Variants in DMD observed in about 807,000 individuals in gnomAD.
The protein encoded by DMD is dystrophin, also known as mutant dystrophin.
A neutral mutation model predicts 330.1 loss-of-function variants in DMD; 63 were observed. The ratio of observed to expected loss-of-function variants is 0.19; its 90% confidence interval spans 0.16 to 0.24. The LOEUF is 0.24. DMD is among the 10% of genes least tolerant of loss of function. The pLI is 1.00. For missense variants in DMD, 3,344 were observed against 2,684.1 expected (o/e 1.25, Z -5.43); for synonymous variants, 1,223 against 959.8 (o/e 1.27, Z -5.07).
intron 29 of DMD, among the ~76,000 whole-genome samples, chrX:32,414,848 G>A (rs1240549852): frequency 2.7e-5 from 3 of 111,949 alleles, no homozygotes; most frequent in East Asian, 2.8e-4. Context: ...ATTGGTGACC[G>A]AGGCTTTGCC....
intron 12 of DMD, among the ~76,000 whole-genome samples, chrX:32,612,523 A>G (rs1013428723): frequency 9.0e-6 from 1 of 111,477 alleles, no homozygotes; most frequent in Non-Finnish European, 1.9e-5. Context: ...AATTCTTCCA[A>G]TGTCGCCCAG....
At chrX:32,488,810 T>G (rs1039929252) in intron 20 of DMD, among the ~76,000 whole-genome samples, 2 of 111,512 alleles carry the variant, frequency 1.8e-5, no homozygotes, top group African/African-American at 6.5e-5. Context: ...GTTTGTCTCC[T>G]ATATACCTGA....
chrX:31,822,653 G>GGTGGGTGTGTGTGTGTGT (rs1556919108), intron 49 of DMD, among the ~76,000 whole-genome samples: 19 of 65,804 alleles, frequency 2.9e-4, no homozygotes, highest in Non-Finnish European at 3.2e-4. Flanking sequence ...AAGGCAGAGG[G>GGTGGGTGTGTGTGTGTGT]GTGTGTGTGT....
At chrX:32,791,684 C>G (rs2075831107) in intron 7 of DMD, among the ~76,000 whole-genome samples, 1 of 111,347 alleles carries the variant, frequency 9.0e-6, no homozygotes, top group Non-Finnish European at 1.9e-5. Flanking sequence ...CCTACTCAAA[C>G]AAAAAATAAC....
chrX:31,754,065 C>A (rs1258599992), intron 51 of DMD, among the ~76,000 whole-genome samples: 1 of 111,245 alleles, frequency 9.0e-6, no homozygotes, highest in African/African-American at 3.3e-5. Context: ...TGTACTAATC[C>A]ACACACACGT....
chrX:33,094,426 A>G (rs1305540936), intron 1 of DMD, among the ~76,000 whole-genome samples: 1 of 112,287 alleles, frequency 8.9e-6, no homozygotes, highest in Admixed American at 9.5e-5. Flanking sequence ...AGGCTAGAAG[A>G]AATAGCAAGG....
chrX:31,849,835 GAA>G (rs1441867587), intron 48 of DMD, among the ~76,000 whole-genome samples: 2 of 110,781 alleles, frequency 1.8e-5, no homozygotes, highest in Admixed American at 1.9e-4. Context: ...TATTGCTACA[GAA>G]AAAAGAAATT....
At chrX:32,575,703 T>A (rs2149151366) in intron 13 of DMD, among the ~76,000 whole-genome samples, 1 of 111,961 alleles carries the variant, frequency 8.9e-6, no homozygotes. Context: ...AGAAAAAAGC[T>A]TCAAATGGAG....
Position 32,348,544 on chromosome X carries a change from G to T in DMD, c.5326-16C>A, listed in dbSNP as rs374712941. 3 of 1,180,524 alleles carry T rather than the reference G, an allele frequency of 2.5e-6. No individual in the cohort carries two copies. Among genetic ancestry groups the T allele is most frequent in the Non-Finnish European group, 3.4e-6 (3 of 875,553 alleles). On this transcript the variant is annotated splice_polypyrimidine_tract_variant and intron_variant, in intron 37 of 78. Coordinates refer to ENST00000357033, the MANE Select transcript of DMD (RefSeq NM_004006.3). ...GAATGGAGGCCTAAAAAAAAAGATA[G>T]TGCTACTTTAAATCAAAATTACTTT...
chrX:32,716,966 C>T (rs1391083072), intron 7 of DMD, among the ~76,000 whole-genome samples: 2 of 111,376 alleles, frequency 1.8e-5, no homozygotes, highest in Admixed American at 9.6e-5. Flanking sequence ...CTTCTTCTAA[C>T]AGTATACGGT....
At chrX:32,456,383 C>T (rs1156711257) in intron 25 of DMD, among the ~76,000 whole-genome samples, 1 of 110,563 alleles carries the variant, frequency 9.0e-6, no homozygotes, top group Admixed American at 9.7e-5. Context: ...GTCAATGAAC[C>T]TATAATAAAC....
intron 1 of DMD, among the ~76,000 whole-genome samples, chrX:33,232,902 G>C (rs1219342304): frequency 9.0e-6 from 1 of 111,229 alleles, no homozygotes; most frequent in Non-Finnish European, 1.9e-5. Flanking sequence ...ATACAGATTA[G>C]AATGAAGATT....
chrX:32,298,761 A>C (rs2097508292), intron 42 of DMD, among the ~76,000 whole-genome samples: 1 of 110,979 alleles, frequency 9.0e-6, no homozygotes, highest in African/African-American at 3.3e-5. Flanking sequence ...GGGATAAGAA[A>C]AATGTCAAGT....
intron 59 of DMD, among the ~76,000 whole-genome samples, chrX:31,466,297 T>G (rs2066854437): frequency 8.9e-6 from 1 of 112,174 alleles, no homozygotes; most frequent in African/African-American, 3.2e-5. Flanking sequence ...CTTCTAGGGT[T>G]TTTATGGTTT....
intron 60 of DMD, among the ~76,000 whole-genome samples, chrX:31,410,390 G>T (rs1213103987): frequency 8.9e-6 from 1 of 111,950 alleles, no homozygotes; most frequent in East Asian, 2.8e-4. Flanking sequence ...TTAAGGAGTT[G>T]TTCATTATGT....
chrX:32,308,465 G>T (rs1166878275), intron 42 of DMD, among the ~76,000 whole-genome samples: 1 of 110,672 alleles, frequency 9.0e-6, no homozygotes, highest in Admixed American at 9.7e-5. Flanking sequence ...AAAAGACTGA[G>T]CTCAAAACTA....
chrX:32,873,198 G>A (rs1400180128), intron 2 of DMD, among the ~76,000 whole-genome samples: 1 of 110,869 alleles, frequency 9.0e-6, no homozygotes, highest in Non-Finnish European at 1.9e-5. Context: ...TTGCTCAAAT[G>A]TCAGGGGAAT....
At chrX:33,057,509 ATG>A (rs969657650) in intron 1 of DMD, among the ~76,000 whole-genome samples, 4 of 112,436 alleles carry the variant, frequency 3.6e-5, no homozygotes, top group African/African-American at 1.3e-4. Context: ...ACTTAATAAA[ATG>A]TGTGTTCTAT....
chrX:32,965,700 G>T (rs1372789383), intron 2 of DMD, among the ~76,000 whole-genome samples: 1 of 110,870 alleles, frequency 9.0e-6, no homozygotes, highest in Non-Finnish European at 1.9e-5. Context: ...TTTTTATTTT[G>T]TATATGTTTG....
Sources: allele counts gnomAD v4.1 joint callset (sites outside exome capture counted in the v4.1 genomes callset), GRCh38; gene constraint gnomAD v4.1.1; transcripts MANE v1.5; gene names NCBI Gene and HGNC (gene_info 2026-07-23, HGNC 2026-07-21).